CSMD3: variants seen among roughly 807,000 people sequenced by gnomAD.
The protein encoded by CSMD3 is CUB and Sushi multiple domains 3, also known as CUB and sushi domain-containing protein 3.
CSMD3 carries 177 observed loss-of-function variants against 435.2 expected under a neutral mutation model. That is an observed-to-expected ratio of 0.41 (90% CI 0.36 to 0.46). CSMD3 has a LOEUF of 0.46. CSMD3 is among the 20% of genes least tolerant of loss of function. The pLI is 0.34. For synonymous variants in CSMD3, 1,656 were observed against 1,520.5 expected (o/e 1.09, Z -2.07); for missense variants, 4,265 against 4,504.6 (o/e 0.95, Z 1.52).
At chr8:112,418,126 G>T (rs537377989) in intron 32 of CSMD3, among the ~76,000 whole-genome samples, 33 of 152,218 alleles carry the variant, frequency 2.2e-4, no homozygotes, top group Admixed American at 4.6e-4. Context: ...CAGAAATAAA[G>T]AAGGATTCAA....
chr8:113,088,812 T>C (rs984009439), intron 5 of CSMD3, among the ~76,000 whole-genome samples: 2 of 151,722 alleles, frequency 1.3e-5, no homozygotes, highest in African/African-American at 2.4e-5. Context: ...TATACATATG[T>C]AACTAACCTG....
Position 112,224,418 on chromosome 8 carries a change from T to C in CSMD3, c.*353A>G. ...TCTTATTTCTACCCTATATCTTTTT[T>C]TTTAAACCCAGTCCCTCTAATATAG... On this transcript the variant is annotated 3_prime_UTR_variant, in exon 71 of 71. Coordinates refer to ENST00000297405, the MANE Select transcript of CSMD3 (RefSeq NM_198123.2). The C allele has an allele frequency of 3.2e-6, 1 of 310,620 alleles. No individual in the cohort carries two copies. Among genetic ancestry groups the C allele is most frequent in the Non-Finnish European group, 6.3e-6 (1 of 159,350 alleles). 19.2% of individuals were successfully genotyped at this position (310,620 alleles called of 1,614,324 possible). A position where few individuals can be genotyped will look rare whatever the true frequency, so the allele number is the denominator to read the frequency against.
At position 112,390,354 on chromosome 8, in the gene CSMD3, CAG is replaced by C. The variant is rs555280733; in HGVS notation, c.5934+308_5934+309del. On this transcript the variant is annotated intron_variant, in intron 36 of 70. Transcript: ENST00000297405. ...AACCAACAGGCTGAGCATGGCAGAA[CAG>C]AGAGATGGAAATAACGTGGGTGAGG... 2.2e-3 allele frequency among the ~76,000 whole-genome samples: 340 copies of C among 152,190 alleles called. 1 individual carries two copies. Among genetic ancestry groups the C allele is most frequent in the African/African-American group, 6.8e-3 (281 of 41,526 alleles).
intron 5 of CSMD3, among the ~76,000 whole-genome samples, chr8:113,083,554 T>C (rs1483851390): frequency 1.3e-5 from 2 of 151,558 alleles, no homozygotes; most frequent in Non-Finnish European, 2.9e-5. Context: ...TCTACCATCA[T>C]GAAAACAAAC....
intron 9 of CSMD3, among the ~76,000 whole-genome samples, chr8:112,943,643 T>C (rs939983852): frequency 6.6e-6 from 1 of 151,802 alleles, no homozygotes; most frequent in Non-Finnish European, 1.5e-5. Flanking sequence ...GTGATTTTTA[T>C]TCCTTTACAA....
intron 24 of CSMD3, among the ~76,000 whole-genome samples, chr8:112,567,670 G>A (rs1424427597): frequency 1.3e-5 from 2 of 152,114 alleles, no homozygotes; most frequent in Non-Finnish European, 2.9e-5. Context: ...AATCATTCTT[G>A]AAATGTGTGT....
chr8:113,124,573 C>A (rs1475521911), intron 4 of CSMD3, among the ~76,000 whole-genome samples: 1 of 151,630 alleles, frequency 6.6e-6, no homozygotes, highest in Non-Finnish European at 1.5e-5. Flanking sequence ...TCTTATTTCT[C>A]CATAAAGGCT....
intron 1 of CSMD3, among the ~76,000 whole-genome samples, chr8:113,425,656 T>C (rs908423809): frequency 6.6e-6 from 1 of 151,478 alleles, no homozygotes; most frequent in African/African-American, 2.4e-5. Flanking sequence ...ATCTTAAAAG[T>C]TTCTGTCTGA....
chr8:112,430,581 T>C (rs2130387775), intron 32 of CSMD3, among the ~76,000 whole-genome samples: 1 of 152,052 alleles, frequency 6.6e-6, no homozygotes, highest in East Asian at 1.9e-4. Context: ...GTTTAGGATA[T>C]GGGATTTATT....
chr8:113,065,645 C>T (rs2088822301), intron 5 of CSMD3, among the ~76,000 whole-genome samples: 2 of 151,972 alleles, frequency 1.3e-5, no homozygotes. Context: ...GCCTCGTGCT[C>T]CCGAAGTGCT....
At chr8:112,572,012 A>G (rs1315934318) in intron 24 of CSMD3, among the ~76,000 whole-genome samples, 1 of 151,932 alleles carries the variant, frequency 6.6e-6, no homozygotes, top group Non-Finnish European at 1.5e-5. Flanking sequence ...TAGAAAACAG[A>G]GAAAGAGAAA....
rs974214437 is a variant in CSMD3, at chr8:112,223,422, A to G, written c.*1349T>C. 4.8e-5 allele frequency: 10 copies of G among 209,636 alleles called. No homozygotes were observed. The highest frequency in any genetic ancestry group is 8.2e-5 in the Non-Finnish European group (9 of 110,314). 13.0% of individuals were successfully genotyped at this position (209,636 alleles called of 1,614,324 possible). ...ACAACAAAGAGTTAACACTGGGTAC[A>G]TGATCGTATTCAATGAAGTAAAACA... On this transcript the variant is annotated 3_prime_UTR_variant, in exon 71 of 71. Transcript: ENST00000297405.
At chr8:112,765,023 A>G (rs1002736026) in intron 13 of CSMD3, among the ~76,000 whole-genome samples, 1 of 151,590 alleles carries the variant, frequency 6.6e-6, no homozygotes, top group South Asian at 2.1e-4. Flanking sequence ...AATGAGAGGT[A>G]AGAGGAAAAA....
chr8:112,730,015 G>A (rs2077042804), intron 13 of CSMD3, among the ~76,000 whole-genome samples: 1 of 152,084 alleles, frequency 6.6e-6, no homozygotes, highest in Admixed American at 6.6e-5. Flanking sequence ...TTTGAGCTTT[G>A]TAGTTATAAA....
At chr8:113,372,494 T>G (rs1163403336) in intron 1 of CSMD3, among the ~76,000 whole-genome samples, 1 of 152,162 alleles carries the variant, frequency 6.6e-6, no homozygotes, top group Non-Finnish European at 1.5e-5. Context: ...GTTTTTTATG[T>G]CCTGATTTTG....
intron 27 of CSMD3, among the ~76,000 whole-genome samples, chr8:112,531,489 T>C (rs1033426816): frequency 6.6e-5 from 10 of 151,916 alleles, no homozygotes; most frequent in Admixed American, 6.6e-4. Context: ...CTTCCCAAAC[T>C]CCAGGCAGCT....
rs369448300 is a variant in CSMD3 at position 113,173,840 on chromosome 8, C to A, written c.591G>T (p.Gly197=). Residue 197 remains glycine (G), a synonymous_variant, in exon 4 of 71, where the codon GGG becomes GGT. Transcript: ENST00000297405. ...TTACACAGCTGTAGCGGATCTTGTC[C>A]CCGACGTCGAATCTTGTGCCATATA... The part of the protein sequence containing the change: ...GVLYGTRFDV[G]DKIRYSCVTG... 6.2e-7 allele frequency: 1 copy of A among 1,613,850 alleles called. No homozygotes were observed. The highest frequency in any genetic ancestry group is 8.5e-7 in the Non-Finnish European group (1 of 1,179,852).
chr8:112,792,751 G>T (rs767326573), intron 13 of CSMD3, among the ~76,000 whole-genome samples: 4 of 151,658 alleles, frequency 2.6e-5, no homozygotes, highest in Admixed American at 6.6e-5. Context: ...AATTTTTTTT[G>T]AATGTGGCTA....
intron 58 of CSMD3, among the ~76,000 whole-genome samples, chr8:112,282,451 T>A (rs1345675521): frequency 1.3e-5 from 2 of 152,146 alleles, no homozygotes; most frequent in Non-Finnish European, 2.9e-5. Flanking sequence ...GTTTACTTGT[T>A]ATATATCATG....
Sources: allele counts gnomAD v4.1 joint callset (sites outside exome capture counted in the v4.1 genomes callset), GRCh38; gene constraint gnomAD v4.1.1; transcripts MANE v1.5; gene names NCBI Gene and HGNC (gene_info 2026-07-23, HGNC 2026-07-21).